VPS8: variants seen among roughly 807,000 people sequenced by gnomAD.
The protein encoded by VPS8 is VPS8 subunit of CORVET complex, also known as vacuolar protein sorting-associated protein 8 homolog.
A neutral mutation model predicts 216.4 loss-of-function variants in VPS8; 129 were observed. The ratio of observed to expected loss-of-function variants is 0.60; its 90% CI spans 0.52 to 0.69. The LOEUF (loss-of-function observed/expected upper bound fraction) is 0.69, where lower values mean the gene tolerates loss of function less well. Among genes scored for constraint, VPS8 ranks in the 30% least tolerant of loss-of-function variants. VPS8 has a pLI of 0.00. For synonymous variants in VPS8, 571 were observed against 565.4 expected (o/e 1.01, Z -0.14); for missense variants, 1,531 against 1,683.5 (o/e 0.91, Z 1.59).
chr3:184,850,499 T>C (rs546112819), intron 10 of VPS8, among the ~76,000 whole-genome samples: 6 of 152,360 alleles, frequency 3.9e-5, no homozygotes, highest in African/African-American at 1.4e-4. Context: ...GTTTGGATTA[T>C]GTTTAGAAAT....
chr3:184,951,158 G>C (rs2109411189), intron 36 of VPS8, among the ~76,000 whole-genome samples: 1 of 152,204 alleles, frequency 6.6e-6, no homozygotes, highest in Non-Finnish European at 1.5e-5. Flanking sequence ...TTCCACAATG[G>C]CTGAACTAAT....
intron 5 of VPS8, among the ~76,000 whole-genome samples, chr3:184,835,709 CT>C (rs34896906): frequency 1.2e-3 from 150 of 126,754 alleles, no homozygotes; most frequent in Non-Finnish European, 1.3e-3. Flanking sequence ...TTGGATTTTT[CT>C]TTTTTTTTTT....
chr3:184,827,717 A>G (rs1463549269), intron 3 of VPS8, among the ~76,000 whole-genome samples: 1 of 152,248 alleles, frequency 6.6e-6, no homozygotes, highest in African/African-American at 2.4e-5. Context: ...GAGTAACAGT[A>G]AGTATAGTCA....
chr3:184,954,866 A>C (rs1745311364), intron 36 of VPS8, among the ~76,000 whole-genome samples: 1 of 152,240 alleles, frequency 6.6e-6, no homozygotes, highest in African/African-American at 2.4e-5. Flanking sequence ...ACAATTATCA[A>C]TCATTATTAT....
chr3:185,016,421 C>A (rs1014644233), intron 45 of VPS8, among the ~76,000 whole-genome samples: 1 of 152,134 alleles, frequency 6.6e-6, no homozygotes, highest in Admixed American at 6.5e-5. Context: ...AAATTTTTTA[C>A]GAGTGGGTTC....
At chr3:184,830,793 C>T (rs569175323) in intron 3 of VPS8, among the ~76,000 whole-genome samples, 4 of 152,204 alleles carry the variant, frequency 2.6e-5, no homozygotes, top group Non-Finnish European at 5.9e-5. Context: ...TCGTTCCAAT[C>T]TTTATAGCAC....
intron 42 of VPS8, among the ~76,000 whole-genome samples, chr3:184,989,546 T>C (rs1751588318): frequency 6.6e-6 from 1 of 151,952 alleles, no homozygotes; most frequent in African/African-American, 2.4e-5. Flanking sequence ...ATTACAGGCA[T>C]GAACCACCAC....
At chr3:185,001,256 C>T (rs1419825578) in intron 45 of VPS8, among the ~76,000 whole-genome samples, 3 of 152,134 alleles carry the variant, frequency 2.0e-5, no homozygotes, top group East Asian at 1.9e-4. Flanking sequence ...CAGTCCCACA[C>T]GAACAGTCCT....
chr3:184,900,947 T>G lies in VPS8; in HGVS notation c.2121T>G (p.Pro707=), dbSNP rs1245613016. The change falls in exon 25 of 48, where the codon CCT becomes CCG. Residue 707 remains proline, a synonymous_variant. Transcript: ENST00000625842. ...MEKLFRVIAP[P]LNAGKTLTDE... ...AACTTTTCAGAGTCATTGCTCCTCCTCTGAATGCAGGAAAAACACTAACAG... is the reference window on the plus strand; with the variant it reads ...AACTTTTCAGAGTCATTGCTCCTCCGCTGAATGCAGGAAAAACACTAACAG... 2.5e-6 allele frequency: 4 copies of G among 1,607,850 alleles called. No homozygotes were observed. In the East Asian group the frequency reaches 8.9e-5, roughly 36 times the overall value.
intron 40 of VPS8, chr3:184,982,278 A>G (rs1368985737): frequency 3.0e-5 from 10 of 332,344 alleles, no homozygotes; most frequent in Non-Finnish European, 4.9e-5. Context: ...CCTGAGACAC[A>G]TAAGATTGCA....
chr3:185,018,181 C>T (rs1184397435), intron 45 of VPS8, among the ~76,000 whole-genome samples: 6 of 152,152 alleles, frequency 3.9e-5, no homozygotes, highest in South Asian at 2.1e-4. Context: ...TTTAACAGGT[C>T]GCAGAGCAGC....
chr3:184,970,027 C>T (rs933878733), intron 39 of VPS8, among the ~76,000 whole-genome samples: 3 of 149,920 alleles, frequency 2.0e-5, no homozygotes, highest in Non-Finnish European at 3.0e-5. Context: ...CTTCCTGCCT[C>T]AGCCTCCCGA....
intron 22 of VPS8, among the ~76,000 whole-genome samples, chr3:184,893,056 A>G (rs1016723597): frequency 6.6e-6 from 1 of 152,232 alleles, no homozygotes; most frequent in African/African-American, 2.4e-5. Flanking sequence ...TGACATGAAA[A>G]TATTTTGATA....
chr3:184,979,816 T>C (rs1210703172), intron 40 of VPS8, among the ~76,000 whole-genome samples: 1 of 152,218 alleles, frequency 6.6e-6, no homozygotes, highest in Non-Finnish European at 1.5e-5. Flanking sequence ...GATACTATTG[T>C]TATGTGCAGA....
intron 43 of VPS8, among the ~76,000 whole-genome samples, chr3:184,994,856 A>AT (rs1752405808): frequency 6.6e-6 from 1 of 152,246 alleles, no homozygotes; most frequent in Admixed American, 6.5e-5. Flanking sequence ...TTGGACTTAC[A>AT]GTTCCAGGTG....
chr3:184,859,081 A>C (rs1337466558), intron 14 of VPS8, among the ~76,000 whole-genome samples: 1 of 152,220 alleles, frequency 6.6e-6, no homozygotes, highest in Non-Finnish European at 1.5e-5. Context: ...GTGCAAACTA[A>C]ACCAGTTGAA....
At chr3:184,965,291 G>A (rs368943219) in intron 38 of VPS8, among the ~76,000 whole-genome samples, 1 of 152,304 alleles carries the variant, frequency 6.6e-6, no homozygotes, top group African/African-American at 2.4e-5. Context: ...ATCATCCACA[G>A]AGGCTTTGTG....
intron 21 of VPS8, among the ~76,000 whole-genome samples, chr3:184,876,629 C>T (rs1186699237): frequency 1.3e-5 from 2 of 152,096 alleles, no homozygotes; most frequent in Non-Finnish European, 2.9e-5. Context: ...CTCACAAAGC[C>T]TTTTCTGAGG....
chr3:184,928,364 T>G, intron 31 of VPS8, 87 bp from the exon 32 acceptor site: 2 of 1,238,176 alleles, frequency 1.6e-6, no homozygotes, highest in South Asian at 3.4e-5. Context: ...AGAAAAAAAT[T>G]AAATGTTATA....
Sources: allele counts gnomAD v4.1 joint callset (sites outside exome capture counted in the v4.1 genomes callset), GRCh38; gene constraint gnomAD v4.1.1; transcripts MANE v1.5; gene names NCBI Gene and HGNC (gene_info 2026-07-23, HGNC 2026-07-21).